The following MICAL3 variants were observed in gnomAD, a reference collection of about 807,000 sequenced individuals.
MICAL3 encodes the protein [F-actin]-monooxygenase MICAL3.
A neutral mutation model predicts 207.4 loss-of-function variants in MICAL3; 62 were observed. That is an observed-to-expected ratio of 0.30 (90% CI 0.24 to 0.37). The LOEUF (loss-of-function observed/expected upper bound fraction) is 0.37. Ranked by LOEUF, MICAL3 falls within the 10% of genes least tolerant of loss-of-function variation. The pLI, the probability that MICAL3 is intolerant of heterozygous loss-of-function variation, is 1.00. For synonymous variants in MICAL3, 1,077 were observed against 1,069.3 expected, an observed-to-expected ratio of 1.01 and a Z score of -0.14; for missense variants, 2,368 against 2,635.6, an observed-to-expected ratio of 0.90 and a Z score of 2.22.
intron 13 of MICAL3, among the ~76,000 whole-genome samples, 163 bp from the exon 14 acceptor site, chr22:17,887,598 G>A (rs1569116825): frequency 6.6e-6 from 1 of 152,202 alleles, no homozygotes; most frequent in Non-Finnish European, 1.5e-5. Context: ...ACGCCACGGA[G>A]GAAATGCATA....
chr22:17,877,177 TTAG>T (rs1928700520), intron 16 of MICAL3, among the ~76,000 whole-genome samples: 1 of 110,072 alleles, frequency 9.1e-6, no homozygotes, highest in Non-Finnish European at 1.8e-5. Context: ...GTTAGGGAGG[TTAG>T]GGAAGTTATG....
intron 19 of MICAL3, chr22:17,863,664 G>C (rs1242704924): frequency 1.0e-6 from 1 of 985,338 alleles, no homozygotes; most frequent in African/African-American, 1.7e-5. Flanking sequence ...ACCTGGCTTG[G>C]CTGGGTTCTC....
intron 1 of MICAL3, among the ~76,000 whole-genome samples, chr22:17,938,202 C>CAT (rs1933636057): frequency 6.6e-6 from 1 of 152,136 alleles, no homozygotes; most frequent in Non-Finnish European, 1.5e-5. Flanking sequence ...AGTTGGCCAG[C>CAT]TAATAAGCAG....
At chr22:17,885,787 G>A (rs1602145571) in intron 16 of MICAL3, 91 bp downstream of exon 16, 11 of 1,376,472 alleles carry the variant, frequency 8.0e-6, no homozygotes, top group Non-Finnish European at 9.2e-6. Flanking sequence ...GCTGGGGTCT[G>A]TGACACAGCC....
chr22:17,868,244 G>C (rs565317324), intron 17 of MICAL3, among the ~76,000 whole-genome samples: 1 of 151,900 alleles, frequency 6.6e-6, no homozygotes, highest in Admixed American at 6.5e-5. Context: ...TCAATGAGGT[G>C]GCACAAGTCA....
At chr22:17,836,573 C>G (rs998574893) in intron 20 of MICAL3, among the ~76,000 whole-genome samples, 12 of 151,802 alleles carry the variant, frequency 7.9e-5, no homozygotes, top group Non-Finnish European at 1.6e-4. Flanking sequence ...CTGAGAAGTG[C>G]AGACCAGGAA....
intron 16 of MICAL3, among the ~76,000 whole-genome samples, chr22:17,879,877 C>T (rs370006969): frequency 6.6e-6 from 1 of 152,174 alleles, no homozygotes; most frequent in Non-Finnish European, 1.5e-5. Context: ...TGAATAGGAG[C>T]ATCGGGCCAA....
At chr22:17,794,501 C>T (rs1000859060) in intron 29 of MICAL3, among the ~76,000 whole-genome samples, 33 of 152,360 alleles carry the variant, frequency 2.2e-4, no homozygotes, top group Middle Eastern at 3.4e-3. Context: ...CTCACACCTG[C>T]GCTCCTTCAA....
At chr22:17,997,129 T>C (rs1416466928) in intron 1 of MICAL3, among the ~76,000 whole-genome samples, 1 of 145,786 alleles carries the variant, frequency 6.9e-6, no homozygotes, top group Non-Finnish European at 1.5e-5. Flanking sequence ...AGTGGTGTGA[T>C]CTCAGCTCAC....
intron 1 of MICAL3, among the ~76,000 whole-genome samples, chr22:17,933,369 C>G (rs1185047607): frequency 6.6e-6 from 1 of 152,218 alleles, no homozygotes; most frequent in Non-Finnish European, 1.5e-5. Context: ...TCTTGAATGA[C>G]TACTGGCTAC....
At chr22:17,867,328 C>T (rs1461348299) in intron 17 of MICAL3, among the ~76,000 whole-genome samples, 6 of 152,204 alleles carry the variant, frequency 3.9e-5, no homozygotes, top group Non-Finnish European at 7.3e-5. Context: ...CCAGTCTTAC[C>T]GCCTGTTTCT....
chr22:17,926,238 T>C (rs937705549), intron 1 of MICAL3, among the ~76,000 whole-genome samples: 1 of 152,190 alleles, frequency 6.6e-6, no homozygotes, highest in African/African-American at 2.4e-5. Flanking sequence ...CATTTCACCA[T>C]CCTCAACCTT....
chr22:17,980,235 G>A lies in MICAL3; in HGVS notation c.-75+44046C>T, dbSNP rs186182553. Among the ~76,000 whole-genome samples, 37 of 152,328 alleles carry A rather than the reference G, an allele frequency of 2.4e-4. No homozygotes were observed. In the East Asian group the frequency reaches 4.6e-3, roughly 19 times the overall value. ...CTGGCTAGAGGCCGAATTAGCATTCGTGAAACAGCAGCAGCTCAGGGCAGG... is the reference window on the plus strand; with the variant it reads ...CTGGCTAGAGGCCGAATTAGCATTCATGAAACAGCAGCAGCTCAGGGCAGG... On this transcript the variant is annotated intron_variant, in intron 1 of 31. Transcript: ENST00000441493.
rs1040106452 is a variant in MICAL3 at position 17,958,106 on chromosome 22, T to G, written c.-74-51220A>C. 4.0e-5 allele frequency among the ~76,000 whole-genome samples: 6 copies of G among 150,804 alleles called. No homozygotes were observed. The South Asian group carries it at 6.4e-4, about 16-fold the overall frequency. On this transcript the variant is annotated intron_variant, in intron 1 of 31. Coordinates refer to ENST00000441493, the MANE Select transcript of MICAL3 (RefSeq NM_015241.3). ...ACCCCAGATGATATAAACCTGTAGA[T>G]TTTTCTCAACAATTAAAATAACGTG...
intron 1 of MICAL3, among the ~76,000 whole-genome samples, chr22:17,917,257 T>C (rs1932585445): frequency 6.6e-6 from 1 of 152,234 alleles, no homozygotes; most frequent in South Asian, 2.1e-4. Flanking sequence ...TTGACAGGCA[T>C]CTCTAGCTTA....
At chr22:17,861,788 C>CAAACAGAAAT (rs1218811151) in intron 19 of MICAL3, 2 of 984,996 alleles carry the variant, frequency 2.0e-6, no homozygotes, top group African/African-American at 3.5e-5. Context: ...AAGCACATTA[C>CAAACAGAAAT]AAACAGAAAT....
intron 1 of MICAL3, among the ~76,000 whole-genome samples, chr22:17,998,437 AC>A (rs1425887537): frequency 7.5e-6 from 1 of 133,586 alleles, no homozygotes; most frequent in African/African-American, 3.0e-5. Context: ...TTAAACTTTA[AC>A]GACTTCAGAG....
intron 16 of MICAL3, among the ~76,000 whole-genome samples, chr22:17,877,034 T>TAGGGAGGTG (rs1928626211): frequency 1.9e-5 from 1 of 51,360 alleles, no homozygotes; most frequent in Non-Finnish European, 5.3e-5. Context: ...TTATGGAGGT[T>TAGGGAGGTG]AGGGAGGTTA....
At chr22:17,869,312 G>C (rs1049017128) in intron 17 of MICAL3, among the ~76,000 whole-genome samples, 7 of 152,082 alleles carry the variant, frequency 4.6e-5, no homozygotes, top group Admixed American at 4.6e-4. Context: ...AAACAGACTG[G>C]GGTGTAACAG....
Sources: allele counts gnomAD v4.1 joint callset (sites outside exome capture counted in the v4.1 genomes callset), GRCh38; gene constraint gnomAD v4.1.1; transcripts MANE v1.5; gene names NCBI Gene and HGNC (gene_info 2026-07-23, HGNC 2026-07-21).